NDE1: variants seen among roughly 807,000 people sequenced by gnomAD.
NDE1 encodes nuclear distribution protein nudE homolog 1.
Under a neutral mutation model 43.4 loss-of-function variants are expected in NDE1, and 28 were observed. That is an observed-to-expected ratio of 0.65 (90% CI 0.48 to 0.89). NDE1 has a LOEUF of 0.89. Ranked by LOEUF, NDE1 falls within the 40% of genes least tolerant of loss-of-function variation. NDE1 has a pLI of 0.00. For missense variants in NDE1, 441 were observed against 434.1 expected, an observed-to-expected ratio of 1.02 and a Z score of -0.14; for synonymous variants, 184 against 172.0, an observed-to-expected ratio of 1.07 and a Z score of -0.55.
chr16:15,668,237 C>T (rs1418368697), intron 3 of NDE1, among the ~76,000 whole-genome samples: 1 of 152,140 alleles, frequency 6.6e-6, no homozygotes, highest in African/African-American at 2.4e-5. Context: ...TGGTACACGC[C>T]TATAGTCCCA....
At chr16:15,669,737 C>T (rs1469643752) in intron 3 of NDE1, among the ~76,000 whole-genome samples, 8 of 151,204 alleles carry the variant, frequency 5.3e-5, no homozygotes, top group African/African-American at 1.5e-4. Context: ...TCAGGTGATC[C>T]GCCCGCCTCA....
At chr16:15,709,555 TCCAC>T (rs1327073996) in intron 8 of NDE1, among the ~76,000 whole-genome samples, 2 of 152,132 alleles carry the variant, frequency 1.3e-5, no homozygotes, top group Non-Finnish European at 2.9e-5. Context: ...CCTCAAGTGA[TCCAC>T]CCACCTCGGC....
At chr16:15,720,417 G>A (rs746196315) in intron 8 of NDE1, 1 of 1,441,836 alleles carries the variant, frequency 6.9e-7, no homozygotes, top group Non-Finnish European at 9.5e-7. Context: ...CAGCCCCCTT[G>A]TGAGGTGGGC....
intron 8 of NDE1, among the ~76,000 whole-genome samples, chr16:15,707,975 A>G (rs900177578): frequency 3.3e-5 from 5 of 151,298 alleles, no homozygotes; most frequent in African/African-American, 1.2e-4. Flanking sequence ...AAAAAAAAAA[A>G]AAAAGCAAAA....
intron 8 of NDE1, chr16:15,719,064 G>A (rs2040324734): frequency 1.4e-6 from 1 of 718,508 alleles, no homozygotes; most frequent in East Asian, 2.7e-5. Flanking sequence ...GGAGGTGGAG[G>A]TTGCAGTGAG....
rs886051751 is a variant in NDE1 at position 15,725,165 on chromosome 16, A to G, written c.*914A>G. On this transcript the variant is annotated 3_prime_UTR_variant, in exon 9 of 9. Transcript: ENST00000396354. ...AAAAAAAAAACACACACACACACAAAAAAAACAGAATCTGTGGCTTGAAGG... is the reference window on the plus strand; with the variant it reads ...AAAAAAAAAACACACACACACACAAGAAAAACAGAATCTGTGGCTTGAAGG... 46 of 644,278 alleles carry G rather than the reference A, an allele frequency of 7.1e-5. No homozygotes were observed. Among genetic ancestry groups the G allele is most frequent in the Admixed American group, 6.3e-4 (23 of 36,512 alleles). The allele number at this position is 644,278 out of a possible 1,614,324, so 39.9% of individuals were successfully genotyped here. A position where few individuals can be genotyped will look rare whatever the true frequency, so the allele number is the denominator to read the frequency against.
chr16:15,725,577 C>A lies in NDE1; in HGVS notation c.*1326C>A. On this transcript the variant is annotated 3_prime_UTR_variant, in exon 9 of 9. Transcript: ENST00000396354. ...AAGTCCCTTTGAGGCTGTTAGCCTA[C>A]CCCTCCATCTCTTCCATTGACAAGG... is the stretch of plus-strand genomic sequence containing the variant. 2.5e-6 allele frequency: 1 copy of A among 406,604 alleles called. No individual in the cohort carries two copies. The allele number at this position is 406,604 out of a possible 1,614,324, so 25.2% of individuals were successfully genotyped here. A position where few individuals can be genotyped will look rare whatever the true frequency, so the allele number is the denominator to read the frequency against.
intron 2 of NDE1, among the ~76,000 whole-genome samples, chr16:15,665,529 C>G (rs1440388433): frequency 2.6e-5 from 4 of 152,000 alleles, no homozygotes; most frequent in Non-Finnish European, 5.9e-5. Context: ...ACTGCAGCCT[C>G]CACCTCTGGG....
chr16:15,707,858 G>A (rs1473639887), intron 8 of NDE1, among the ~76,000 whole-genome samples: 1 of 151,264 alleles, frequency 6.6e-6, no homozygotes, highest in East Asian at 1.9e-4. Flanking sequence ...TGTAATCCCA[G>A]CTACTCAGAA....
At chr16:15,649,740 T>A (rs2036407323), upstream of NDE1, among the ~76,000 whole-genome samples, 1 of 152,228 alleles carries the variant, frequency 6.6e-6, no homozygotes, top group South Asian at 2.1e-4. Context: ...GACCAAATTC[T>A]GGTGCACTAC....
At chr16:15,705,701 G>A (rs2039410694) in intron 8 of NDE1, among the ~76,000 whole-genome samples, 1 of 152,128 alleles carries the variant, frequency 6.6e-6, no homozygotes, top group African/African-American at 2.4e-5. Context: ...GAACAACTCG[G>A]CTGGGCATGG....
intron 8 of NDE1, chr16:15,717,619 A>G: frequency 1.8e-6 from 1 of 562,436 alleles, no homozygotes; most frequent in Non-Finnish European, 3.2e-6. Context: ...ACATGGTGAA[A>G]CCCCGTCTCT....
chr16:15,670,323 T>G (rs1034958467), intron 3 of NDE1, among the ~76,000 whole-genome samples: 1 of 152,050 alleles, frequency 6.6e-6, no homozygotes, highest in African/African-American at 2.4e-5. Context: ...GTTGGGGACG[T>G]GAAGCTCAGT....
At chr16:15,697,817 GT>G (rs1027613355) in intron 8 of NDE1, among the ~76,000 whole-genome samples, 34 of 143,210 alleles carry the variant, frequency 2.4e-4, no homozygotes, top group Non-Finnish European at 4.1e-4. Flanking sequence ...GTTTTGTTTT[GT>G]TTTTTTTTTG....
rs1470630426 is a variant in NDE1, at chr16:15,652,976, A to G, written c.-44+2682A>G. On this transcript the variant is annotated intron_variant, in intron 1 of 8. Coordinates refer to ENST00000396354, the MANE Select transcript of NDE1 (RefSeq NM_017668.3). ...CCGCGCCTGGCCTAAGCTTTTTAAA[A>G]TCTCTAAAGCGATCTATGCTTACTG... 2.0e-5 allele frequency among the ~76,000 whole-genome samples: 3 copies of G among 152,038 alleles called. No individual in the cohort carries two copies. The East Asian group carries it at 5.8e-4, about 29-fold the overall frequency.
chr16:15,705,984 CAAAAAA>C (rs57451847), intron 8 of NDE1, among the ~76,000 whole-genome samples: 7 of 56,762 alleles, frequency 1.2e-4, no homozygotes, highest in East Asian at 5.2e-4. Flanking sequence ...GACTCCGTCT[CAAAAAA>C]AAAAAAAAAA....
intron 1 of NDE1, among the ~76,000 whole-genome samples, chr16:15,652,933 C>G (rs542752716): frequency 6.6e-6 from 1 of 152,022 alleles, no homozygotes; most frequent in South Asian, 2.1e-4. Context: ...CCCAACGTGC[C>G]GGGGTGGGAG....
chr16:15,717,520 C>T (rs1208340234), intron 8 of NDE1: 25 of 667,534 alleles, frequency 3.7e-5, no homozygotes, highest in East Asian at 2.2e-4. Context: ...CCAGGCCGGG[C>T]GTGGTGGCGC....
chr16:15,681,352 A>C (rs1381808718), intron 4 of NDE1, among the ~76,000 whole-genome samples: 3 of 122,170 alleles, frequency 2.5e-5, no homozygotes, highest in Non-Finnish European at 4.8e-5. Context: ...TGGAGCCTTG[A>C]CCTCCTGGGG....
Sources: allele counts gnomAD v4.1 joint callset (sites outside exome capture counted in the v4.1 genomes callset), GRCh38; gene constraint gnomAD v4.1.1; transcripts MANE v1.5; gene names NCBI Gene and HGNC (gene_info 2026-07-23, HGNC 2026-07-21).